DLG2: variants seen among roughly 807,000 people sequenced by gnomAD.
DLG2 encodes the protein discs large MAGUK scaffold protein 2.
Under a neutral mutation model 132.5 loss-of-function variants are expected in DLG2, and 45 were observed. The ratio of observed to expected loss-of-function variants is 0.34; its 90% CI spans 0.27 to 0.44. The LOEUF is 0.44. Ranked by LOEUF, DLG2 falls within the 20% of genes least tolerant of loss-of-function variation. The pLI, the probability that DLG2 is intolerant of heterozygous loss-of-function variation, is 1.00. For missense variants in DLG2, 1,045 were observed against 1,196.9 expected, an observed-to-expected ratio of 0.87 and a Z score of 1.87; for synonymous variants, 424 against 419.6, an observed-to-expected ratio of 1.01 and a Z score of -0.13.
intron 16 of DLG2, among the ~76,000 whole-genome samples, chr11:83,839,134 T>C (rs1415148263): frequency 6.6e-6 from 1 of 152,206 alleles, no homozygotes; most frequent in Non-Finnish European, 1.5e-5. Flanking sequence ...ATATAATGTT[T>C]GCATGACAGT....
chr11:83,787,684 G>A (rs1278191198), intron 17 of DLG2, among the ~76,000 whole-genome samples: 1 of 152,092 alleles, frequency 6.6e-6, no homozygotes, highest in Non-Finnish European at 1.5e-5. Context: ...AATAAATTCT[G>A]ACAAAATGAA....
intron 7 of DLG2, among the ~76,000 whole-genome samples, chr11:84,412,200 C>T (rs974147688): frequency 1.3e-5 from 2 of 151,520 alleles, no homozygotes; most frequent in Non-Finnish European, 2.9e-5. Flanking sequence ...CTCTACTATG[C>T]ATGTTATAGT....
intron 7 of DLG2, among the ~76,000 whole-genome samples, chr11:84,510,670 G>A (rs1290038934): frequency 6.6e-6 from 1 of 152,052 alleles, no homozygotes; most frequent in African/African-American, 2.4e-5. Context: ...AATGCTAATT[G>A]GTTGTGTTAT....
At chr11:85,381,701 A>G (rs2085905108) in intron 3 of DLG2, among the ~76,000 whole-genome samples, 1 of 152,164 alleles carries the variant, frequency 6.6e-6, no homozygotes. Context: ...ATTGTATTTT[A>G]TATACTAGCA....
At chr11:85,156,401 G>T (rs1269456034) in intron 4 of DLG2, among the ~76,000 whole-genome samples, 2 of 152,126 alleles carry the variant, frequency 1.3e-5, no homozygotes, top group East Asian at 3.9e-4. Context: ...GATTAAATTA[G>T]ATGAAAAGTT....
chr11:85,390,771 T>C (rs2086729701), intron 3 of DLG2, among the ~76,000 whole-genome samples: 1 of 152,020 alleles, frequency 6.6e-6, no homozygotes, highest in South Asian at 2.1e-4. Flanking sequence ...TATCAAAACC[T>C]CTTGGATATA....
At chr11:84,309,994 T>C (rs111497311) in intron 7 of DLG2, among the ~76,000 whole-genome samples, 4,544 of 152,006 alleles carry the variant, frequency 0.03, 114 homozygotes, top group Middle Eastern at 0.044. Context: ...CAGATCTACA[T>C]AGTTCTTAAC....
chr11:84,502,260 T>A (rs1412427447), intron 7 of DLG2, among the ~76,000 whole-genome samples: 1 of 49,064 alleles, frequency 2.0e-5, no homozygotes, highest in Non-Finnish European at 3.6e-5. Context: ...CCTTCCTTCC[T>A]TCCTTCCTTC....
At chr11:83,705,321 C>T (rs1192622824) in intron 18 of DLG2, among the ~76,000 whole-genome samples, 2 of 152,128 alleles carry the variant, frequency 1.3e-5, no homozygotes, top group East Asian at 3.8e-4. Context: ...CTTTTATTCT[C>T]TGGAATCCTC....
In DLG2 at chr11:84,931,132, T is replaced by C. The variant is rs2048035943; in HGVS notation, c.357+180529A>G. ...ACCCTTACCCTACGGCTTCTGACCT[T>C]AGGTTTCCCCACCACAACCTTTCAG... On this transcript the variant is annotated intron_variant, in intron 6 of 27. Transcript: ENST00000376104. Among the ~76,000 whole-genome samples the C allele has an allele frequency of 2.0e-5, 3 of 152,142 alleles. No homozygotes were observed. In the South Asian group the frequency reaches 6.2e-4, roughly 32 times the overall value.
At chr11:83,883,604 C>T (rs2066916673) in intron 15 of DLG2, among the ~76,000 whole-genome samples, 1 of 152,164 alleles carries the variant, frequency 6.6e-6, no homozygotes, top group Non-Finnish European at 1.5e-5. Flanking sequence ...GCCCAGTGGA[C>T]TGACTCAAAT....
At position 83,722,826 on chromosome 11, in the gene DLG2, A is replaced by AAT. The variant is rs1400332123; in HGVS notation, c.1825+63862_1825+63863dup. 7.2e-5 allele frequency among the ~76,000 whole-genome samples: 11 copies of AAT among 152,330 alleles called. No individual in the cohort carries two copies. In the East Asian group the frequency reaches 1.9e-3, roughly 27 times the overall value. On this transcript the variant is annotated intron_variant, in intron 18 of 27. Transcript: ENST00000376104. Reference sequence around the variant, plus strand: ...GCAAAGAAGCATCAGGGGCTGTGACAATATATGTTCTTAAGGAAATACAGT... The same window carrying AAT: ...GCAAAGAAGCATCAGGGGCTGTGACAATATATATGTTCTTAAGGAAATACAGT...
intron 10 of DLG2, among the ~76,000 whole-genome samples, chr11:84,070,198 A>G (rs944115552): frequency 2.0e-5 from 3 of 152,228 alleles, no homozygotes; most frequent in African/African-American, 7.2e-5. Flanking sequence ...TTGTCACATA[A>G]GAAAAAATTA....
intron 4 of DLG2, among the ~76,000 whole-genome samples, chr11:85,242,002 A>G (rs1264490388): frequency 2.0e-5 from 3 of 151,982 alleles, no homozygotes; most frequent in African/African-American, 7.2e-5. Context: ...GATTCCATAT[A>G]TAGTGAATCT....
chr11:84,803,093 C>T (rs1377939155), intron 6 of DLG2, among the ~76,000 whole-genome samples: 1 of 152,196 alleles, frequency 6.6e-6, no homozygotes, highest in African/African-American at 2.4e-5. Context: ...GCCACAGCGC[C>T]CGGCCCTTTT....
At chr11:85,307,250 AG>A (rs1170363651) in intron 3 of DLG2, among the ~76,000 whole-genome samples, 1 of 152,218 alleles carries the variant, frequency 6.6e-6, no homozygotes, top group Non-Finnish European at 1.5e-5. Context: ...AGAAAACTGG[AG>A]GAAAAATTAA....
chr11:84,877,201 CT>C lies in DLG2; in HGVS notation c.357+234459del, dbSNP rs542922262. The stretch of plus-strand genomic sequence containing the variant: ...AGACTTCTGTAGATGCCTATTAGGT[CT>C]GCTTGGTCCAGAGCTGAGTTCAAGT... On this transcript the variant is annotated intron_variant, in intron 6 of 27. Coordinates refer to ENST00000376104, the MANE Select transcript of DLG2 (RefSeq NM_001142699.3). 1.2e-4 allele frequency among the ~76,000 whole-genome samples: 18 copies of C among 150,742 alleles called. 1 individual carries two copies. The South Asian group carries it at 3.8e-3, about 32-fold the overall frequency.
chr11:83,788,012 C>T (rs988642045), intron 17 of DLG2, among the ~76,000 whole-genome samples: 1 of 152,194 alleles, frequency 6.6e-6, no homozygotes, highest in Admixed American at 6.5e-5. Flanking sequence ...GTATGGGTTT[C>T]TAACCTACAA....
intron 6 of DLG2, among the ~76,000 whole-genome samples, chr11:85,023,625 A>G (rs1361149887): frequency 1.3e-5 from 2 of 152,120 alleles, no homozygotes; most frequent in African/African-American, 2.4e-5. Context: ...AGACTTCAGC[A>G]GAAAAGAAAA....
Sources: gnomAD v4.1 joint callset for allele counts (sites outside exome capture counted in the v4.1 genomes callset) on GRCh38, gnomAD v4.1.1 for gene constraint, MANE v1.5 for transcripts, NCBI Gene and HGNC (gene_info 2026-07-23, HGNC 2026-07-21) for gene names.